Variants in TBPL1 observed in about 807,000 individuals in gnomAD.
TBPL1 encodes the protein TATA-box binding protein like 1.
Under a neutral mutation model 22.1 loss-of-function variants are expected in TBPL1, and 4 were observed. That is an observed-to-expected ratio of 0.18 (90% CI 0.09 to 0.41). The LOEUF is 0.41. Ranked by LOEUF, TBPL1 falls within the 10% of genes least tolerant of loss-of-function variation. TBPL1 has a pLI of 1.00. For synonymous variants in TBPL1, 64 were observed against 71.0 expected, an observed-to-expected ratio of 0.90 and a Z score of 0.50; for missense variants, 115 against 222.3, an observed-to-expected ratio of 0.52 and a Z score of 3.07.
intron 4 of TBPL1, 58 bp downstream of exon 4, chr6:133,982,938 T>G (rs1273965833): frequency 2.0e-6 from 3 of 1,473,596 alleles, no homozygotes; most frequent in Non-Finnish European, 2.8e-6. Context: ...TTTTATAGAA[T>G]TAAAAATTGT....
chr6:133,977,564 A>G (rs1203218236), intron 1 of TBPL1, among the ~76,000 whole-genome samples: 1 of 152,218 alleles, frequency 6.6e-6, no homozygotes, highest in Non-Finnish European at 1.5e-5. Context: ...TGATATAAAA[A>G]CAAGTAAAAT....
At chr6:133,969,415 A>C (rs1193092721) in intron 1 of TBPL1, among the ~76,000 whole-genome samples, 1 of 152,178 alleles carries the variant, frequency 6.6e-6, no homozygotes, top group East Asian at 1.9e-4. Context: ...CCTGCTTAAC[A>C]GTCTTCAGAC....
Position 133,986,985 on chromosome 6 carries a change from C to G in TBPL1, c.506C>G (p.Thr169Ser), listed in dbSNP as rs1776537901. 6.2e-7 allele frequency: 1 copy of G among 1,609,890 alleles called. No individual in the cohort carries two copies. Among genetic ancestry groups the G allele is most frequent in the East Asian group, 2.2e-5 (1 of 44,632 alleles). The change falls in exon 7 of 7, where the codon ACT (threonine) becomes AGT (serine). Residue 169 changes from threonine to serine, a missense_variant. Physicochemically the swap from Thr to Ser is moderately conservative, Grantham distance 58 (BLOSUM62 1). Coordinates refer to ENST00000237264, the MANE Select transcript of TBPL1 (RefSeq NM_004865.4). ...VTGPNVKAVATAVEQIYPFVF... is the reference protein window; with the variant it reads ...VTGPNVKAVASAVEQIYPFVF... ...GGGCCCAATGTAAAGGCTGTTGCTA[C>G]TGCTGTGGAACAGATTTACCCATTT...
intron 1 of TBPL1, among the ~76,000 whole-genome samples, chr6:133,968,503 G>T (rs983455188): frequency 2.0e-5 from 3 of 152,030 alleles, no homozygotes; most frequent in African/African-American, 7.3e-5. Flanking sequence ...CTAATACATT[G>T]CTTTAATAGA....
chr6:133,971,512 T>G (rs1037517282), intron 1 of TBPL1, among the ~76,000 whole-genome samples: 2 of 152,148 alleles, frequency 1.3e-5, no homozygotes, highest in Middle Eastern at 3.2e-3. Context: ...AATGGCTATG[T>G]GAGTTTACTA....
chr6:133,983,453 G>C (rs1201800914), intron 4 of TBPL1, among the ~76,000 whole-genome samples: 1 of 152,230 alleles, frequency 6.6e-6, no homozygotes, highest in African/African-American at 2.4e-5. Context: ...GTTTGGGATT[G>C]AGACAAGTTT....
rs1178786679 is a variant in TBPL1, at chr6:133,989,347, T to C, written c.*2307T>C. 6.6e-6 allele frequency: 1 copy of C among 151,890 alleles called. No individual in the cohort carries two copies. Among genetic ancestry groups the C allele is most frequent in the African/African-American group, 2.4e-5 (1 of 41,334 alleles). 9.4% of individuals were successfully genotyped at this position (151,890 alleles called of 1,614,324 possible). A position where few individuals can be genotyped will look rare whatever the true frequency, so the allele number is the denominator to read the frequency against. ...TTGTTTAGTTACAGACTCAGGATAA[T>C]AAAAGAAAAATATAAAAGAATGCTC... On this transcript the variant is annotated 3_prime_UTR_variant, in exon 7 of 7. Coordinates refer to ENST00000237264, the MANE Select transcript of TBPL1 (RefSeq NM_004865.4).
At chr6:133,970,525 T>C (rs982183146) in intron 1 of TBPL1, among the ~76,000 whole-genome samples, 22 of 152,134 alleles carry the variant, frequency 1.4e-4, no homozygotes, top group Admixed American at 3.3e-4. Flanking sequence ...TAGAAATTAT[T>C]ATGGAAACTT....
intron 4 of TBPL1, 27 bp from the exon 5 acceptor site, chr6:133,984,349 T>A (rs757186903): frequency 6.5e-7 from 1 of 1,527,354 alleles, no homozygotes; most frequent in Admixed American, 1.9e-5. Flanking sequence ...CAAAATAAAT[T>A]TATTGAATTT....
chr6:133,982,681 T>G (rs750982791), intron 3 of TBPL1, 31 bp downstream of exon 3: 30 of 1,600,784 alleles, frequency 1.9e-5, no homozygotes, highest in Non-Finnish European at 2.3e-5. Flanking sequence ...TTGTTTTTAT[T>G]TTTTACTTTT....
intron 1 of TBPL1, among the ~76,000 whole-genome samples, chr6:133,969,780 C>A (rs1314882087): frequency 6.6e-6 from 1 of 152,188 alleles, no homozygotes; most frequent in Non-Finnish European, 1.5e-5. Context: ...TCTCCCATTA[C>A]TGCCCCTTTG....
intron 1 of TBPL1, among the ~76,000 whole-genome samples, chr6:133,954,186 A>T (rs898331575): frequency 3.7e-4 from 57 of 152,380 alleles, no homozygotes; most frequent in African/African-American, 1.3e-3. Context: ...AACTGCAGTC[A>T]ATCCACATCT....
chr6:133,969,131 A>G (rs1776173925), intron 1 of TBPL1, among the ~76,000 whole-genome samples: 1 of 152,200 alleles, frequency 6.6e-6, no homozygotes, highest in African/African-American at 2.4e-5. Context: ...ATGAGAATGT[A>G]AACCATTGAA....
intron 1 of TBPL1, among the ~76,000 whole-genome samples, chr6:133,963,999 A>C (rs2327437): frequency 0.64 from 97,371 of 151,642 alleles, 32,160 homozygotes; most frequent in African/African-American, 0.74. Context: ...CGAGATCGTG[A>C]CACTGCACTC....
intron 4 of TBPL1, 37 bp from the exon 5 acceptor site, chr6:133,984,339 C>G: frequency 6.6e-7 from 1 of 1,506,418 alleles, no homozygotes; most frequent in Non-Finnish European, 9.1e-7. Flanking sequence ...TTGTTTGTTT[C>G]AAAATAAATT....
At chr6:133,966,369 T>A (rs1419163603) in intron 1 of TBPL1, among the ~76,000 whole-genome samples, 1 of 152,210 alleles carries the variant, frequency 6.6e-6, no homozygotes, top group African/African-American at 2.4e-5. Flanking sequence ...ACATTACCAT[T>A]GACCAAATGG....
At chr6:133,971,478 A>G (rs1439133447) in intron 1 of TBPL1, among the ~76,000 whole-genome samples, 1 of 152,110 alleles carries the variant, frequency 6.6e-6, no homozygotes, top group Non-Finnish European at 1.5e-5. Context: ...TAATTTTTTG[A>G]GGAACTTCTA....
chr6:133,958,594 A>G (rs1036354497), intron 1 of TBPL1, among the ~76,000 whole-genome samples: 6 of 152,202 alleles, frequency 3.9e-5, no homozygotes, highest in African/African-American at 1.4e-4. Context: ...CTAACTTTAA[A>G]AAGTTAAGTC....
intron 1 of TBPL1, among the ~76,000 whole-genome samples, chr6:133,968,244 CTATTTGAG>C (rs200346159): frequency 0.013 from 2,010 of 152,136 alleles, 43 homozygotes; most frequent in African/African-American, 0.046. Flanking sequence ...GGCCAGGTGA[CTATTTGAG>C]TATTTCTTAT....
Sources: gnomAD v4.1 joint callset for allele counts (sites outside exome capture counted in the v4.1 genomes callset) on GRCh38, gnomAD v4.1.1 for gene constraint, MANE v1.5 for transcripts, NCBI Gene and HGNC (gene_info 2026-07-23, HGNC 2026-07-21) for gene names.